TECTA: variants seen among roughly 807,000 people sequenced by gnomAD.
TECTA encodes the protein alpha-tectorin.
A neutral mutation model predicts 216.8 loss-of-function variants in TECTA; 128 were observed. The observed-to-expected ratio is 0.59, with a 90% CI of 0.51 to 0.68. TECTA has a LOEUF of 0.68. Among genes scored for constraint, TECTA ranks in the 30% least tolerant of loss-of-function variants. TECTA has a pLI of 0.00. For synonymous variants in TECTA, 1,089 were observed against 1,117.1 expected (o/e 0.97, Z 0.50); for missense variants, 2,551 against 2,786.2 (o/e 0.92, Z 1.90).
intron 4 of TECTA, among the ~76,000 whole-genome samples, chr11:121,111,951 A>T (rs911219328): frequency 6.6e-6 from 1 of 152,168 alleles, no homozygotes; most frequent in African/African-American, 2.4e-5. Context: ...TTCTGGGATC[A>T]TCTAGAATGG....
chr11:121,135,911 G>A (rs1299327053), intron 10 of TECTA, among the ~76,000 whole-genome samples: 2 of 151,892 alleles, frequency 1.3e-5, no homozygotes, highest in African/African-American at 2.4e-5. Context: ...GAAATAGGAA[G>A]TATGCCTACC....
At chr11:121,160,104 G>A (rs763552528) in intron 14 of TECTA, 31 bp from the exon 15 acceptor site, 50 of 1,613,972 alleles carry the variant, frequency 3.1e-5, no homozygotes, top group South Asian at 5.5e-5. Flanking sequence ...TACTCTAAGC[G>A]TAATTATTTT....
intron 7 of TECTA, among the ~76,000 whole-genome samples, chr11:121,123,049 C>T (rs1462541979): frequency 1.3e-5 from 2 of 152,208 alleles, no homozygotes; most frequent in African/African-American, 4.8e-5. Flanking sequence ...GATGCTCAGA[C>T]CATCATCTCA....
intron 20 of TECTA, among the ~76,000 whole-genome samples, chr11:121,173,337 T>C (rs1208748222): frequency 1.4e-3 from 204 of 147,892 alleles, no homozygotes; most frequent in African/African-American, 5.0e-3. Context: ...AATGTTTAAG[T>C]CTTTAATCCA....
At chr11:121,137,240 GCA>G (rs1387295583) in intron 10 of TECTA, among the ~76,000 whole-genome samples, 179 bp from the exon 11 acceptor site, 1 of 150,652 alleles carries the variant, frequency 6.6e-6, no homozygotes, top group African/African-American at 2.4e-5. Context: ...ACATGCACTC[GCA>G]CACACGCACG....
chr11:121,148,130 AC>A (rs1303159328), intron 12 of TECTA, among the ~76,000 whole-genome samples: 1 of 152,086 alleles, frequency 6.6e-6, no homozygotes, highest in East Asian at 1.9e-4. Context: ...ACCCTGGCTC[AC>A]CAGTAATGGG....
At chr11:121,123,366 T>C (rs1946578101) in intron 7 of TECTA, among the ~76,000 whole-genome samples, 1 of 152,210 alleles carries the variant, frequency 6.6e-6, no homozygotes, top group African/African-American at 2.4e-5. Context: ...TCATTTCTCA[T>C]GCCCCATTGC....
At chr11:121,147,520 C>T (rs563937646) in intron 12 of TECTA, among the ~76,000 whole-genome samples, 7 of 150,922 alleles carry the variant, frequency 4.6e-5, no homozygotes, top group African/African-American at 1.7e-4. Flanking sequence ...CCTGACAAAC[C>T]GGCCTCTAAT....
intron 19 of TECTA, 53 bp from the exon 20 acceptor site, chr11:121,168,624 T>C (rs748517812): frequency 7.4e-6 from 12 of 1,613,762 alleles, no homozygotes; most frequent in Admixed American, 1.7e-5. Flanking sequence ...TGGTAGGTAA[T>C]TGAATAGGTA....
In TECTA at chr11:121,145,550, T is replaced by C. The variant is rs765391292; in HGVS notation, c.3544-5T>C. 21 of 1,614,190 alleles carry C rather than the reference T, an allele frequency of 1.3e-5. No individual in the cohort carries two copies. The African/African-American group carries it at 1.6e-4, about 12-fold the overall frequency. On this transcript the variant is annotated splice_polypyrimidine_tract_variant and splice_region_variant and intron_variant, in intron 11 of 23. Transcript: ENST00000392793. ...TGTTTCTCCACCTCATCTCTCCTCTTACAGGTCAACAGTGAACGGCTCTAT... is the reference window on the plus strand; with the variant it reads ...TGTTTCTCCACCTCATCTCTCCTCTCACAGGTCAACAGTGAACGGCTCTAT...
intron 7 of TECTA, among the ~76,000 whole-genome samples, chr11:121,124,097 G>A (rs879578640): frequency 6.6e-6 from 1 of 152,134 alleles, no homozygotes; most frequent in Non-Finnish European, 1.5e-5. Flanking sequence ...AGTATTTCCT[G>A]CTCTTTATTT....
intron 10 of TECTA, among the ~76,000 whole-genome samples, 181 bp from the exon 11 acceptor site, chr11:121,137,226 ACACACATGCACTCG>A (rs1946737298): frequency 1.3e-5 from 2 of 152,148 alleles, no homozygotes. Context: ...ACATGCATGC[ACACACATGCACTCG>A]CACACACGCA....
chr11:121,102,948 T>G (rs1358360823), intron 2 of TECTA, among the ~76,000 whole-genome samples: 1 of 152,234 alleles, frequency 6.6e-6, no homozygotes, highest in Non-Finnish European at 1.5e-5. Context: ...TCAAATACTA[T>G]TTGTATGTAC....
In TECTA at chr11:121,168,755, A is replaced by T. The variant is rs879251219; in HGVS notation, c.5829A>T (p.Lys1943Asn). 1 of 1,614,170 alleles carries T rather than the reference A, an allele frequency of 6.2e-7. No homozygotes were observed. Among genetic ancestry groups the T allele is most frequent in the East Asian group, 2.2e-5 (1 of 44,882 alleles). Residue 1943 changes from lysine (K) to asparagine (N), a missense_variant, in exon 20 of 24, where the codon AAA becomes AAT. Transcript: ENST00000392793. The part of the protein sequence containing the change: ...KMALYKNASY[K>N]HPYRQGEVVL... ...CTCTCTACAAAAACGCCTCCTACAA[A>T]CATCCTTACCGCCAGGGTGAAGTAG...
At chr11:121,103,655 A>G (rs1253389948) in intron 2 of TECTA, among the ~76,000 whole-genome samples, 1 of 152,090 alleles carries the variant, frequency 6.6e-6, no homozygotes, top group Non-Finnish European at 1.5e-5. Flanking sequence ...GGATAGGGAT[A>G]TTCTTTCTTT....
Position 121,137,761 on chromosome 11 carries a change from C to T in TECTA, c.3282C>T (p.Ala1094=). The change falls in exon 11 of 24, where the codon GCC becomes GCT. Residue 1094 remains alanine, a synonymous_variant. Transcript: ENST00000392793. ...MEEGGLYYCQ[A]RTDASCIVSG... is the part of the protein sequence containing the mutation. ...AAGGTGGCCTGTACTACTGCCAAGC[C>T]CGCACCGACGCCTCCTGCATCGTCT... is the stretch of plus-strand genomic sequence containing the variant. 1 of 1,614,152 alleles carries T rather than the reference C, an allele frequency of 6.2e-7. No homozygotes were observed. Among genetic ancestry groups the T allele is most frequent in the African/African-American group, 1.3e-5 (1 of 75,028 alleles).
At chr11:121,165,863 C>T (rs1032577784) in intron 17 of TECTA, among the ~76,000 whole-genome samples, 1 of 152,142 alleles carries the variant, frequency 6.6e-6, no homozygotes, top group Non-Finnish European at 1.5e-5. Flanking sequence ...TGTCCACTGC[C>T]GAGCCTTCCT....
At chr11:121,188,552 G>C (rs1947310407) in intron 21 of TECTA, among the ~76,000 whole-genome samples, 1 of 152,210 alleles carries the variant, frequency 6.6e-6, no homozygotes, top group Non-Finnish European at 1.5e-5. Flanking sequence ...GACTCTGGAG[G>C]GGGTGAGGGA....
In TECTA at chr11:121,130,047, G is replaced by A; in HGVS notation, c.2777G>A (p.Cys926Tyr). Residue 926 changes from cysteine (C) to tyrosine (Y), a missense_variant, in exon 10 of 24, where the codon TGC (cysteine) becomes TAC (tyrosine). Physicochemically the swap from Cys to Tyr is radical, Grantham distance 194. Coordinates refer to ENST00000392793, the MANE Select transcript of TECTA (RefSeq NM_005422.4). ...CCCTCCAACAGCTCCTTCCTGGAGT[G>A]CCATGGGGTGGTGAACGTCACTGCC... ...NDPSNSSFLE[C>Y]HGVVNVTAYY... 6.2e-7 allele frequency: 1 copy of A among 1,613,992 alleles called. No individual in the cohort carries two copies. The highest frequency in any genetic ancestry group is 8.5e-7 in the Non-Finnish European group (1 of 1,179,928).
Sources: allele counts gnomAD v4.1 joint callset (sites outside exome capture counted in the v4.1 genomes callset), GRCh38; gene constraint gnomAD v4.1.1; transcripts MANE v1.5; gene names NCBI Gene and HGNC (gene_info 2026-07-23, HGNC 2026-07-21).